Variants in NELL1 observed in about 807,000 individuals in gnomAD.
The protein encoded by NELL1 is neural EGFL like 1, also known as protein kinase C-binding protein NELL1.
In NELL1, 76 loss-of-function variants were observed where a neutral mutation model predicts 107.4. The observed-to-expected ratio is 0.71, with a 90% CI of 0.59 to 0.86. The LOEUF is 0.86. Among genes scored for constraint, NELL1 ranks in the 40% least tolerant of loss-of-function variants. The pLI is 0.00. For missense variants in NELL1, 1,024 were observed against 1,005.5 expected (o/e 1.02, Z -0.25); for synonymous variants, 353 against 341.2 (o/e 1.03, Z -0.38).
intron 15 of NELL1, among the ~76,000 whole-genome samples, chr11:21,417,598 A>G (rs58674762): frequency 0.037 from 5,667 of 152,082 alleles, 358 homozygotes; most frequent in African/African-American, 0.13. Context: ...TGATTTTACC[A>G]CATAAAGTTG....
At chr11:21,199,971 T>A (rs1472045185) in intron 13 of NELL1, among the ~76,000 whole-genome samples, 1 of 152,200 alleles carries the variant, frequency 6.6e-6, no homozygotes, top group African/African-American at 2.4e-5. Flanking sequence ...GCAAATGACG[T>A]GAACCCATCC....
At position 20,742,149 on chromosome 11, in the gene NELL1, T is replaced by C. The variant is rs868453322; in HGVS notation, c.185-41531T>C. On this transcript the variant is annotated intron_variant, in intron 2 of 19. Transcript: ENST00000357134. ...GGACTTTGCAGTAAGAAGGGCTTCT[T>C]TTTCCAAGAGGAGACTGTTGTTTAC... Among the ~76,000 whole-genome samples, 9 of 152,298 alleles carry C rather than the reference T, an allele frequency of 5.9e-5. No homozygotes were observed. In the Middle Eastern group the frequency reaches 0.017, roughly 288 times the overall value.
intron 13 of NELL1, among the ~76,000 whole-genome samples, chr11:21,225,041 G>C (rs930263090): frequency 6.6e-6 from 1 of 152,122 alleles, no homozygotes; most frequent in East Asian, 1.9e-4. Flanking sequence ...ATGGGATATA[G>C]GGTGCTACAC....
intron 12 of NELL1, among the ~76,000 whole-genome samples, chr11:21,091,845 A>T (rs1854528875): frequency 6.6e-6 from 1 of 152,216 alleles, no homozygotes; most frequent in Non-Finnish European, 1.5e-5. Context: ...TTAACTTCAT[A>T]AAAACTGAGA....
intron 5 of NELL1, among the ~76,000 whole-genome samples, chr11:20,890,523 C>G (rs1396039569): frequency 6.6e-6 from 1 of 152,030 alleles, no homozygotes; most frequent in African/African-American, 2.4e-5. Context: ...GACAAATTGA[C>G]AGAAGCAGGC....
In NELL1 at chr11:20,842,767, G is replaced by A. The variant is rs553114729; in HGVS notation, c.336-4816G>A. Among the ~76,000 whole-genome samples, 8 of 152,260 alleles carry A rather than the reference G, an allele frequency of 5.3e-5. No individual in the cohort carries two copies. In the East Asian group the frequency reaches 1.5e-3, roughly 29 times the overall value. ...ACGAGGATTACATGAGTAAATATTT[G>A]CAGACTAGTGCCTGGCCCATAGTCA... On this transcript the variant is annotated intron_variant, in intron 3 of 19. Transcript: ENST00000357134.
chr11:20,899,954 A>G (rs762955025), intron 5 of NELL1, among the ~76,000 whole-genome samples: 22 of 152,176 alleles, frequency 1.4e-4, no homozygotes, highest in Non-Finnish European at 2.9e-4. Flanking sequence ...TTGAAAGTCT[A>G]TTGTACCAGT....
intron 16 of NELL1, among the ~76,000 whole-genome samples, chr11:21,554,739 T>A (rs1051131623): frequency 1.6e-4 from 25 of 151,890 alleles, no homozygotes; most frequent in African/African-American, 5.6e-4. Flanking sequence ...TTTTTCTACA[T>A]AATGGGACCA....
At chr11:20,835,087 T>G (rs757787876) in intron 3 of NELL1, among the ~76,000 whole-genome samples, 1 of 152,186 alleles carries the variant, frequency 6.6e-6, no homozygotes, top group Non-Finnish European at 1.5e-5. Flanking sequence ...TCTTCCTCCA[T>G]GTTTTTACAT....
intron 15 of NELL1, among the ~76,000 whole-genome samples, chr11:21,495,931 T>C (rs1854965861): frequency 6.6e-6 from 1 of 152,064 alleles, no homozygotes; most frequent in African/African-American, 2.4e-5. Context: ...TATGAGCTGC[T>C]CTGTGACTTT....
At chr11:21,248,545 G>C (rs1858554250) in intron 14 of NELL1, among the ~76,000 whole-genome samples, 1 of 152,060 alleles carries the variant, frequency 6.6e-6, no homozygotes, top group Non-Finnish European at 1.5e-5. Flanking sequence ...CTGAGGTAGA[G>C]TCTGGGGAAT....
chr11:20,858,973 A>G (rs1261434981), intron 4 of NELL1, among the ~76,000 whole-genome samples: 1 of 152,176 alleles, frequency 6.6e-6, no homozygotes, highest in African/African-American at 2.4e-5. Context: ...CGGCTGCATT[A>G]TTACCCAGAG....
chr11:21,173,102 C>G (rs575894008), intron 13 of NELL1, among the ~76,000 whole-genome samples: 2 of 151,924 alleles, frequency 1.3e-5, no homozygotes, highest in South Asian at 4.1e-4. Context: ...TCTCCCTATG[C>G]ATTTCAATTT....
intron 12 of NELL1, among the ~76,000 whole-genome samples, chr11:21,004,931 A>G (rs1416166705): frequency 7.9e-5 from 12 of 152,164 alleles, no homozygotes; most frequent in Admixed American, 7.9e-4. Flanking sequence ...AATTTTTTCT[A>G]TACCTGTCTT....
At chr11:21,573,088 G>A (rs1591047803) in intron 18 of NELL1, 97 bp from the exon 19 acceptor site, 9 of 876,014 alleles carry the variant, frequency 1.0e-5, no homozygotes, top group South Asian at 6.4e-5. Flanking sequence ...AATATTCAGT[G>A]ATGAGAATTA....
At chr11:21,527,036 C>CA (rs1855872783) in intron 15 of NELL1, among the ~76,000 whole-genome samples, 1 of 152,202 alleles carries the variant, frequency 6.6e-6, no homozygotes, top group African/African-American at 2.4e-5. Context: ...CATTAGGCTG[C>CA]AAATTTTTCA....
intron 15 of NELL1, among the ~76,000 whole-genome samples, chr11:21,373,743 C>T (rs1215401106): frequency 6.6e-6 from 1 of 152,046 alleles, no homozygotes; most frequent in African/African-American, 2.4e-5. Flanking sequence ...TTTCATAACC[C>T]CCCTTAAGCA....
chr11:21,394,190 T>C (rs1051261838), intron 15 of NELL1, among the ~76,000 whole-genome samples: 1 of 151,686 alleles, frequency 6.6e-6, no homozygotes, highest in African/African-American at 2.4e-5. Flanking sequence ...ATCTCCAATT[T>C]GCTATTTAAA....
chr11:21,028,929 T>C (rs924306588), intron 12 of NELL1, among the ~76,000 whole-genome samples: 8 of 152,206 alleles, frequency 5.3e-5, no homozygotes, highest in Admixed American at 3.3e-4. Flanking sequence ...TTCCCTCTGG[T>C]GGTTTCTGGA....
Sources: gnomAD v4.1 joint callset for allele counts (sites outside exome capture counted in the v4.1 genomes callset) on GRCh38, gnomAD v4.1.1 for gene constraint, MANE v1.5 for transcripts, NCBI Gene and HGNC (gene_info 2026-07-23, HGNC 2026-07-21) for gene names.